COL5A2: variants seen among roughly 807,000 people sequenced by gnomAD.
COL5A2 encodes the protein collagen type V alpha 2 chain, also known as collagen alpha-2(V) chain.
Under a neutral mutation model 208.2 loss-of-function variants are expected in COL5A2, and 23 were observed. The ratio of observed to expected loss-of-function variants is 0.11; its 90% CI spans 0.08 to 0.16. The LOEUF is 0.16. Among genes scored for constraint, COL5A2 ranks in the 10% least tolerant of loss-of-function variants. COL5A2 has a pLI of 1.00. For synonymous variants in COL5A2, 625 were observed against 628.5 expected (o/e 0.99, Z 0.08); for missense variants, 1,590 against 1,956.4 (o/e 0.81, Z 3.53).
At chr2:189,278,311 C>T in the COL5A2 span, among the ~76,000 whole-genome samples, 6 of 152,112 alleles carry the variant, frequency 3.9e-5, no homozygotes, top group South Asian at 4.2e-4. Context: ...TTCTCAATTA[C>T]GGTAGATATT....
At chr2:189,054,109 T>C (rs779871729) in intron 36 of COL5A2, 50 bp downstream of exon 36, 3 of 1,504,502 alleles carry the variant, frequency 2.0e-6, no homozygotes, top group Non-Finnish European at 2.8e-6. Flanking sequence ...AAGAGCCTGC[T>C]ATTCAGGACT....
chr2:189,397,658 C>A, the COL5A2 span, among the ~76,000 whole-genome samples: 86 of 151,874 alleles, frequency 5.7e-4, 2 homozygotes, highest in Non-Finnish European at 2.2e-4. Flanking sequence ...GTGATGATGT[C>A]TCCTTTTTCA....
the COL5A2 span, among the ~76,000 whole-genome samples, chr2:189,401,554 G>C: frequency 1.3e-5 from 2 of 152,158 alleles, no homozygotes; most frequent in Non-Finnish European, 2.9e-5. Context: ...ATAATAGAAT[G>C]ATTTGTATCT....
At chr2:189,175,397 C>A (rs1455122189) in intron 1 of COL5A2, among the ~76,000 whole-genome samples, 1 of 151,490 alleles carries the variant, frequency 6.6e-6, no homozygotes, top group Non-Finnish European at 1.5e-5. Context: ...CATTTAGGAC[C>A]ATAAAAATAA....
chr2:189,062,397 T>C (rs1686053737), intron 29 of COL5A2, among the ~76,000 whole-genome samples: 1 of 152,066 alleles, frequency 6.6e-6, no homozygotes, highest in Non-Finnish European at 1.5e-5. Context: ...TTGGCCAGGC[T>C]GGTCTTGAAC....
chr2:189,252,343 CAA>C, the COL5A2 span, among the ~76,000 whole-genome samples: 1 of 152,154 alleles, frequency 6.6e-6, no homozygotes, highest in Non-Finnish European at 1.5e-5. Flanking sequence ...TTCACAATAG[CAA>C]AGACTTGGAA....
intron 1 of COL5A2, among the ~76,000 whole-genome samples, chr2:189,220,696 A>G (rs1045639600): frequency 6.6e-6 from 1 of 152,202 alleles, no homozygotes; most frequent in Non-Finnish European, 1.5e-5. Context: ...TTGGTTATAA[A>G]TGAGAAAATA....
chr2:189,296,864 A>G, the COL5A2 span, among the ~76,000 whole-genome samples: 1 of 152,202 alleles, frequency 6.6e-6, no homozygotes, highest in Non-Finnish European at 1.5e-5. Flanking sequence ...AGTAAGCAAA[A>G]TAGTTGACGA....
the COL5A2 span, among the ~76,000 whole-genome samples, chr2:189,236,127 A>G: frequency 6.6e-6 from 1 of 151,790 alleles, no homozygotes; most frequent in African/African-American, 2.4e-5. Context: ...AATTGGGAGA[A>G]GACTCTGGGA....
chr2:189,068,065 A>G lies in COL5A2; in HGVS notation c.1351T>C (p.Ser451Pro), dbSNP rs548441536. Residue 451 changes from serine to proline, a missense_variant, in exon 21 of 54, where the codon TCT becomes CCT. By Grantham distance (74) the Ser-to-Pro change is moderately conservative (BLOSUM62 -1). Coordinates refer to ENST00000374866, the MANE Select transcript of COL5A2 (RefSeq NM_000393.5). ...GPPGSAGPPG[S>P]PGPQGSTGPQ... The stretch of plus-strand genomic sequence containing the variant: ...CCAGTGCTACCCTGAGGTCCTGGAG[A>G]TCCAGGAGGCCCTGCTGAGCCAGGA... 5.4e-5 allele frequency: 87 copies of G among 1,614,006 alleles called. No individual in the cohort carries two copies. In the South Asian group the frequency reaches 9.4e-4, roughly 18 times the overall value.
At chr2:189,301,023 C>T in the COL5A2 span, among the ~76,000 whole-genome samples, 1 of 151,924 alleles carries the variant, frequency 6.6e-6, no homozygotes, top group Admixed American at 6.6e-5. Context: ...CCTGTCTCTA[C>T]AAAAAATACA....
At chr2:189,412,371 T>C in the COL5A2 span, among the ~76,000 whole-genome samples, 4 of 152,312 alleles carry the variant, frequency 2.6e-5, no homozygotes, top group East Asian at 1.9e-4. Flanking sequence ...CCACTAAAAA[T>C]CCAAAGATCT....
chr2:189,091,510 T>G (rs527268157), intron 7 of COL5A2, among the ~76,000 whole-genome samples: 13 of 152,300 alleles, frequency 8.5e-5, no homozygotes, highest in African/African-American at 3.1e-4. Context: ...AGCAAAAAGA[T>G]TATGGCTTGC....
At chr2:189,064,727 T>C (rs1397796721) in intron 24 of COL5A2, 72 bp from the exon 25 acceptor site, 5 of 1,135,556 alleles carry the variant, frequency 4.4e-6, no homozygotes, top group African/African-American at 1.5e-5. Flanking sequence ...AGTAAAATTA[T>C]CGTTTTACAA....
the COL5A2 span, among the ~76,000 whole-genome samples, chr2:189,367,194 G>A: frequency 1.9e-4 from 29 of 151,996 alleles, no homozygotes; most frequent in Admixed American, 9.8e-4. Context: ...CCATACCCTA[G>A]GAGTATATCT....
the COL5A2 span, among the ~76,000 whole-genome samples, chr2:189,309,903 A>T: frequency 6.6e-6 from 1 of 152,218 alleles, no homozygotes; most frequent in African/African-American, 2.4e-5. Context: ...GCATACATCC[A>T]TTCATATTCT....
the COL5A2 span, among the ~76,000 whole-genome samples, chr2:189,422,669 T>G: frequency 6.6e-6 from 1 of 152,120 alleles, no homozygotes; most frequent in African/African-American, 2.4e-5. Flanking sequence ...TGAAATCACA[T>G]TAAGCATTTT....
intron 47 of COL5A2, among the ~76,000 whole-genome samples, chr2:189,043,875 G>T (rs1023884868): frequency 6.6e-6 from 1 of 152,156 alleles, no homozygotes; most frequent in African/African-American, 2.4e-5. Flanking sequence ...CAGTGATCTT[G>T]ATGCTAAGCT....
the COL5A2 span, among the ~76,000 whole-genome samples, chr2:189,253,319 T>C: frequency 6.6e-6 from 1 of 152,230 alleles, no homozygotes; most frequent in Non-Finnish European, 1.5e-5. Flanking sequence ...TTTATGACTT[T>C]TGTCAAGTTA....
Sources: allele counts gnomAD v4.1 joint callset (sites outside exome capture counted in the v4.1 genomes callset), GRCh38; gene constraint gnomAD v4.1.1; transcripts MANE v1.5; gene names NCBI Gene and HGNC (gene_info 2026-07-23, HGNC 2026-07-21).